Variants in NT5M observed in about 807,000 individuals in gnomAD.
NT5M encodes the protein 5',3'-nucleotidase, mitochondrial.
A neutral mutation model predicts 22.2 loss-of-function variants in NT5M; 22 were observed. That is an observed-to-expected ratio of 0.99 (90% CI 0.71 to 1.41). The LOEUF is 1.41. Ranked by LOEUF, NT5M falls within the 40% of genes most tolerant of loss-of-function variation. NT5M has a pLI of 0.00. For missense variants in NT5M, 322 were observed against 314.8 expected (o/e 1.02, Z -0.17); for synonymous variants, 167 against 133.0 (o/e 1.26, Z -1.76).
intron 2 of NT5M, among the ~76,000 whole-genome samples, chr17:17,314,037 A>ATTTTTTTTT (rs1368734191): frequency 4.5e-5 from 6 of 131,958 alleles, no homozygotes; most frequent in African/African-American, 1.2e-4. Context: ...ATATGAATAT[A>ATTTTTTTTT]TTCTTTTTTT....
chr17:17,320,609 C>G (rs2049131495), intron 2 of NT5M, among the ~76,000 whole-genome samples: 1 of 152,100 alleles, frequency 6.6e-6, no homozygotes, highest in Non-Finnish European at 1.5e-5. Context: ...GTTGGAAATC[C>G]TGTGTGAGGT....
At chr17:17,324,596 T>A (rs1233662408) in intron 3 of NT5M, among the ~76,000 whole-genome samples, 2 of 152,120 alleles carry the variant, frequency 1.3e-5, no homozygotes, top group Non-Finnish European at 2.9e-5. Flanking sequence ...GCTCTGGCAT[T>A]ATGTGGGTGC....
rs184905982 is a variant in NT5M, at chr17:17,345,375, G to T, written c.544+467G>T. 5 of 594,630 alleles carry T rather than the reference G, an allele frequency of 8.4e-6. No homozygotes were observed. The South Asian group carries it at 3.6e-4, about 43-fold the overall frequency. The allele number at this position is 594,630 out of a possible 1,614,324, so 36.8% of individuals were successfully genotyped here. On this transcript the variant is annotated intron_variant, in intron 4 of 4. Coordinates refer to ENST00000389022, the MANE Select transcript of NT5M (RefSeq NM_020201.4). Reference sequence around the variant, plus strand: ...ACAAGCCAGTCAACCTTGAACTGCCGTAGAAAGGAGAGGGAGATGGGCGTG... The same window carrying T: ...ACAAGCCAGTCAACCTTGAACTGCCTTAGAAAGGAGAGGGAGATGGGCGTG...
intron 1 of NT5M, 46 bp downstream of exon 1, chr17:17,303,863 G>A (rs1402696539): frequency 1.5e-6 from 2 of 1,335,790 alleles, no homozygotes; most frequent in Middle Eastern, 2.8e-4. Context: ...TTCTCGCCCC[G>A]AGCCCCAGAC....
chr17:17,328,748 TGACTG>T (rs2049313717), intron 3 of NT5M, among the ~76,000 whole-genome samples: 1 of 152,204 alleles, frequency 6.6e-6, no homozygotes, highest in Non-Finnish European at 1.5e-5. Context: ...GATGGGAACC[TGACTG>T]CTGTGAGGTC....
At chr17:17,305,735 C>T (rs2048786592) in intron 1 of NT5M, among the ~76,000 whole-genome samples, 1 of 152,120 alleles carries the variant, frequency 6.6e-6, no homozygotes, top group South Asian at 2.1e-4. Flanking sequence ...CTGGTTGTCA[C>T]TTTCCCCTTG....
At chr17:17,345,171 T>C in intron 4 of NT5M, 1 of 1,145,090 alleles carries the variant, frequency 8.7e-7, no homozygotes, top group East Asian at 3.1e-5. Context: ...CTTCAAAGCC[T>C]TGTCTTCCTC....
intron 1 of NT5M, among the ~76,000 whole-genome samples, chr17:17,304,084 C>A (rs1190880191): frequency 6.6e-6 from 1 of 152,208 alleles, no homozygotes; most frequent in Non-Finnish European, 1.5e-5. Context: ...AAGCTGACTT[C>A]AAAATTTGTG....
chr17:17,346,183 G>A (rs1440046286), intron 4 of NT5M, among the ~76,000 whole-genome samples: 1 of 152,010 alleles, frequency 6.6e-6, no homozygotes, highest in Non-Finnish European at 1.5e-5. Context: ...CAGAGTCAGG[G>A]CAGACAGTGG....
intron 2 of NT5M, among the ~76,000 whole-genome samples, chr17:17,315,542 G>C (rs557020644): frequency 6.6e-6 from 1 of 152,136 alleles, no homozygotes; most frequent in Non-Finnish European, 1.5e-5. Context: ...GAGTAAGAAT[G>C]AATGGGCCAG....
At chr17:17,344,351 A>G (rs2049711741) in intron 3 of NT5M, among the ~76,000 whole-genome samples, 1 of 152,158 alleles carries the variant, frequency 6.6e-6, no homozygotes, top group Admixed American at 6.5e-5. Flanking sequence ...AAGCTCCCTG[A>G]GGGTAGGAAC....
At chr17:17,304,594 G>C (rs767748872) in intron 1 of NT5M, 2 of 213,470 alleles carry the variant, frequency 9.4e-6, no homozygotes, top group African/African-American at 2.4e-5. Flanking sequence ...GCTGCTGGAG[G>C]GTTTGATAAA....
At chr17:17,340,954 A>G (rs2049630571) in intron 3 of NT5M, among the ~76,000 whole-genome samples, 1 of 151,956 alleles carries the variant, frequency 6.6e-6, no homozygotes, top group Non-Finnish European at 1.5e-5. Flanking sequence ...TGTGGCACTT[A>G]TAGCTATAAA....
intron 2 of NT5M, among the ~76,000 whole-genome samples, chr17:17,321,950 C>T (rs554567829): frequency 6.6e-6 from 1 of 151,750 alleles, no homozygotes; most frequent in Non-Finnish European, 1.5e-5. Context: ...GAAGTGATTC[C>T]AAGCTCCGGG....
At chr17:17,304,441 G>A (rs2048749296) in intron 1 of NT5M, 13 of 985,298 alleles carry the variant, frequency 1.3e-5, no homozygotes, top group Non-Finnish European at 1.6e-5. Flanking sequence ...GGATAGAGGG[G>A]AAAGATCCAA....
intron 3 of NT5M, among the ~76,000 whole-genome samples, chr17:17,343,957 C>A (rs2142385460): frequency 6.6e-6 from 1 of 152,264 alleles, no homozygotes; most frequent in East Asian, 1.9e-4. Context: ...CTGCGCCCAC[C>A]CCTGGCTGCA....
chr17:17,345,239 A>G, intron 4 of NT5M: 1 of 1,108,216 alleles, frequency 9.0e-7, no homozygotes, highest in Non-Finnish European at 1.1e-6. Context: ...AACAAAACCC[A>G]TTTTTTCCCC....
intron 2 of NT5M, among the ~76,000 whole-genome samples, chr17:17,315,620 CTTTG>C (rs954878499): frequency 8.7e-5 from 13 of 148,768 alleles, no homozygotes; most frequent in Admixed American, 2.0e-4. Flanking sequence ...CGGGCCAGGC[CTTTG>C]TTTGTCTGAG....
chr17:17,317,397 A>G (rs1265788163), intron 2 of NT5M, among the ~76,000 whole-genome samples: 2 of 152,120 alleles, frequency 1.3e-5, no homozygotes, highest in South Asian at 2.1e-4. Context: ...TTGGATAGAC[A>G]TTTTTCCAAT....
Sources: gnomAD v4.1 joint callset for allele counts (sites outside exome capture counted in the v4.1 genomes callset) on GRCh38, gnomAD v4.1.1 for gene constraint, MANE v1.5 for transcripts, NCBI Gene and HGNC (gene_info 2026-07-23, HGNC 2026-07-21) for gene names.